FGD4: variants seen among roughly 807,000 people sequenced by gnomAD.
The protein encoded by FGD4 is FYVE, RhoGEF and PH domain containing 4, also known as FYVE, RhoGEF and PH domain-containing protein 4.
A neutral mutation model predicts 102.0 loss-of-function variants in FGD4; 42 were observed. The observed-to-expected ratio is 0.41, with a 90% CI of 0.32 to 0.53. FGD4 has a LOEUF of 0.53. Ranked by LOEUF, FGD4 falls within the 20% of genes least tolerant of loss-of-function variation. The pLI is 0.21. For missense variants in FGD4, 902 were observed against 1,078.2 expected (o/e 0.84, Z 2.29); for synonymous variants, 380 against 375.7 (o/e 1.01, Z -0.13).
intron 2 of FGD4, among the ~76,000 whole-genome samples, chr12:32,566,529 C>T (rs1313223979): frequency 6.6e-6 from 1 of 152,138 alleles, no homozygotes; most frequent in Non-Finnish European, 1.5e-5. Context: ...TGCTATATTG[C>T]TGCATTTCTT....
intron 1 of FGD4, among the ~76,000 whole-genome samples, chr12:32,538,801 C>T (rs1339425839): frequency 6.6e-6 from 1 of 152,124 alleles, no homozygotes; most frequent in Admixed American, 6.6e-5. Flanking sequence ...CACCTGTAAT[C>T]CCAGCACTTT....
chr12:32,514,126 G>A (rs553560970), intron 1 of FGD4, among the ~76,000 whole-genome samples: 6 of 152,080 alleles, frequency 3.9e-5, no homozygotes, highest in Non-Finnish European at 7.3e-5. Flanking sequence ...CTTGCTGTAC[G>A]GTGAAAGCAG....
At position 32,435,723 on chromosome 12, in the gene FGD4, T is replaced by C. The variant is rs558820906; in HGVS notation, c.166+35764T>C. Among the ~76,000 whole-genome samples the C allele has an allele frequency of 5.6e-4, 85 of 152,334 alleles. 1 individual carries two copies. The South Asian group carries it at 0.017, about 30-fold the overall frequency. ...CTGAATTGCCAATTTTTACATGGTATTTCTGGCAGTGATGGGTGGCCCCGC... is the reference window on the plus strand; with the variant it reads ...CTGAATTGCCAATTTTTACATGGTACTTCTGGCAGTGATGGGTGGCCCCGC... On this transcript the variant is annotated intron_variant, in intron 1 of 16. Coordinates refer to ENST00000534526, the MANE Select transcript of FGD4 (RefSeq NM_001370298.3).
chr12:32,480,519 T>G (rs1237081451), intron 1 of FGD4, among the ~76,000 whole-genome samples: 1 of 151,828 alleles, frequency 6.6e-6, no homozygotes, highest in Middle Eastern at 3.2e-3. Context: ...TTCGTTTTTT[T>G]GAGACGGAGT....
intron 1 of FGD4, among the ~76,000 whole-genome samples, chr12:32,550,702 A>G (rs1943593786): frequency 6.6e-6 from 1 of 151,798 alleles, no homozygotes; most frequent in African/African-American, 2.4e-5. Flanking sequence ...GAAAGAGACA[A>G]AAAGTTCATT....
chr12:32,573,111 T>C (rs1354668185), intron 2 of FGD4, among the ~76,000 whole-genome samples: 2 of 152,184 alleles, frequency 1.3e-5, no homozygotes, highest in East Asian at 3.8e-4. Flanking sequence ...GATTTTTTTT[T>C]TGAGACGGGA....
At chr12:32,409,280 T>C in intron 1 of FGD4, among the ~76,000 whole-genome samples, 1 of 116,762 alleles carries the variant, frequency 8.6e-6, no homozygotes, top group Non-Finnish European at 1.7e-5. Flanking sequence ...CCAGTAATTT[T>C]TCTTTTTTTT....
In FGD4 at chr12:32,512,810, T is replaced by G. The variant is rs528734377; in HGVS notation, c.167-51327T>G. On this transcript the variant is annotated intron_variant, in intron 1 of 16. Transcript: ENST00000534526. ...GTATTCTCAACCATCCAGAGCTATT[T>G]CTCTTAATTACTCAGAGGCGTAATA... is the stretch of plus-strand genomic sequence containing the variant. Among the ~76,000 whole-genome samples the G allele has an allele frequency of 2.6e-5, 4 of 152,298 alleles. No individual in the cohort carries two copies. The South Asian group carries it at 8.3e-4, about 32-fold the overall frequency.
At chr12:32,414,453 T>G (rs1941326549) in intron 1 of FGD4, among the ~76,000 whole-genome samples, 1 of 152,164 alleles carries the variant, frequency 6.6e-6, no homozygotes, top group Non-Finnish European at 1.5e-5. Context: ...ATTACACTCT[T>G]TTAGTTATAA....
At chr12:32,561,356 G>A (rs1944574994) in intron 1 of FGD4, among the ~76,000 whole-genome samples, 1 of 151,894 alleles carries the variant, frequency 6.6e-6, no homozygotes, top group African/African-American at 2.4e-5. Flanking sequence ...CAGAGTGCTG[G>A]GATTACAGGC....
intron 1 of FGD4, among the ~76,000 whole-genome samples, chr12:32,431,354 T>A (rs2136436025): frequency 6.6e-6 from 1 of 152,300 alleles, no homozygotes; most frequent in East Asian, 1.9e-4. Context: ...TTTCAGATCT[T>A]TTGTCAATTG....
intron 1 of FGD4, among the ~76,000 whole-genome samples, chr12:32,434,104 T>C (rs1942147281): frequency 6.6e-6 from 1 of 152,142 alleles, no homozygotes; most frequent in Admixed American, 6.5e-5. Context: ...TCCGCCCGCC[T>C]CAGCCTCCCA....
intron 1 of FGD4, among the ~76,000 whole-genome samples, chr12:32,486,702 C>T (rs866732230): frequency 3.3e-5 from 5 of 152,294 alleles, no homozygotes; most frequent in South Asian, 2.1e-4. Flanking sequence ...CTTGAAATAA[C>T]ATTATCTGAT....
Position 32,601,258 on chromosome 12 carries a change from T to C in FGD4, c.1102-20T>C, listed in dbSNP as rs1948405591. 2.5e-6 allele frequency: 4 copies of C among 1,611,436 alleles called. No homozygotes were observed. Among genetic ancestry groups the C allele is most frequent in the Non-Finnish European group, 2.5e-6 (3 of 1,178,324 alleles). On this transcript the variant is annotated intron_variant, in intron 5 of 16. Coordinates refer to ENST00000534526, the MANE Select transcript of FGD4 (RefSeq NM_001370298.3). The stretch of plus-strand genomic sequence containing the variant: ...TAACCAATAAATGTGAAGTAATGCT[T>C]ACATTATTCTTTTATTCAGGTATTT...
intron 1 of FGD4, among the ~76,000 whole-genome samples, chr12:32,473,273 A>T (rs1359371137): frequency 6.6e-6 from 1 of 151,816 alleles, no homozygotes; most frequent in African/African-American, 2.4e-5. Context: ...CACACTGTGG[A>T]AGTTTTGTTC....
intron 1 of FGD4, among the ~76,000 whole-genome samples, chr12:32,483,457 A>C (rs1035009936): frequency 6.6e-6 from 1 of 152,246 alleles, no homozygotes; most frequent in Non-Finnish European, 1.5e-5. Context: ...TCTACAATGT[A>C]CAATGCCAAA....
chr12:32,453,223 ATAGATATATATATATTT>A (rs1565749146), intron 1 of FGD4, among the ~76,000 whole-genome samples: 15 of 53,996 alleles, frequency 2.8e-4, no homozygotes, highest in East Asian at 5.4e-4. Context: ...TATATATAAT[ATAGATATATATATATTT>A]TTTTTTTTTT....
At chr12:32,483,676 CT>C (rs1458133694) in intron 1 of FGD4, among the ~76,000 whole-genome samples, 3 of 152,228 alleles carry the variant, frequency 2.0e-5, no homozygotes, top group African/African-American at 7.2e-5. Flanking sequence ...CTTTTCTGAG[CT>C]AGAGAGAGGG....
chr12:32,458,000 T>C (rs971640608), intron 1 of FGD4, among the ~76,000 whole-genome samples: 2 of 152,022 alleles, frequency 1.3e-5, no homozygotes, highest in Non-Finnish European at 2.9e-5. Context: ...TTTTTCACTT[T>C]TTTTTTTTAA....
Sources: gnomAD v4.1 joint callset for allele counts (sites outside exome capture counted in the v4.1 genomes callset) on GRCh38, gnomAD v4.1.1 for gene constraint, MANE v1.5 for transcripts, NCBI Gene and HGNC (gene_info 2026-07-23, HGNC 2026-07-21) for gene names.